The following LSM12 variants were observed in gnomAD, a reference collection of about 807,000 sequenced individuals.
LSM12 encodes protein LSM12.
For synonymous variants in LSM12, 74 were observed against 87.3 expected, an observed-to-expected ratio of 0.85 and a Z score of 0.85; for missense variants, 108 against 238.9, an observed-to-expected ratio of 0.45 and a Z score of 3.61.
intron 2 of LSM12, among the ~76,000 whole-genome samples, chr17:44,063,261 C>A (rs2049823923): frequency 6.6e-6 from 1 of 152,074 alleles, no homozygotes; most frequent in Non-Finnish European, 1.5e-5. Flanking sequence ...CTTGGGGGTT[C>A]CCAGAGATCA....
rs533034717 is a variant in LSM12, at chr17:44,066,256, AAGAG to A, written c.124+204_124+207del. 1.8e-4 allele frequency among the ~76,000 whole-genome samples: 27 copies of A among 151,984 alleles called. No individual in the cohort carries two copies. The East Asian group carries it at 3.5e-3, about 20-fold the overall frequency. ...CCTCGGTAAAGCCCCAGCTCCCGCA[AAGAG>A]AGAGAGACAGGATCCCCAAAGCTGA... is the stretch of plus-strand genomic sequence containing the variant. On this transcript the variant is annotated intron_variant, in intron 1 of 4. Transcript: ENST00000293406.
chr17:44,034,444 C>T lies in LSM12; in HGVS notation c.*1764G>A, dbSNP rs983795866. On this transcript the variant is annotated 3_prime_UTR_variant, in exon 5 of 5. Coordinates refer to ENST00000293406, the MANE Select transcript of LSM12 (RefSeq NM_001371445.1). ...GCCTTTTCCCCACACTCCACCTACA[C>T]ACCACTCCAAACCCTGGACCCCCAT... Among the ~76,000 whole-genome samples the T allele has an allele frequency of 6.6e-6, 1 of 152,166 alleles. No individual in the cohort carries two copies. The highest frequency in any genetic ancestry group is 1.5e-5 in the Non-Finnish European group (1 of 68,040).
At chr17:44,059,951 T>G (rs1597897037) in intron 2 of LSM12, among the ~76,000 whole-genome samples, 1 of 151,982 alleles carries the variant, frequency 6.6e-6, no homozygotes. Flanking sequence ...GATCACAAGG[T>G]CAGGAGATCG....
chr17:44,044,480 T>C (rs2049535771), intron 2 of LSM12, among the ~76,000 whole-genome samples: 1 of 152,190 alleles, frequency 6.6e-6, no homozygotes, highest in Admixed American at 6.5e-5. Flanking sequence ...AGGGAGCACT[T>C]AGAAAAGTCA....
chr17:44,038,702 T>G (rs2144066710), intron 3 of LSM12, among the ~76,000 whole-genome samples: 1 of 152,294 alleles, frequency 6.6e-6, no homozygotes, highest in African/African-American at 2.4e-5. Flanking sequence ...TGATCTGTAC[T>G]CTGACCCTTA....
intron 2 of LSM12, among the ~76,000 whole-genome samples, chr17:44,043,550 T>TC (rs954506949): frequency 2.1e-4 from 30 of 146,214 alleles, no homozygotes; most frequent in Non-Finnish European, 4.4e-4. Flanking sequence ...GGAGTTTCCT[T>TC]TTTTTTTTTT....
At chr17:44,066,081 C>A (rs2049870212) in intron 1 of LSM12, among the ~76,000 whole-genome samples, 1 of 152,036 alleles carries the variant, frequency 6.6e-6, no homozygotes, top group Non-Finnish European at 1.5e-5. Context: ...CACCCCTCCC[C>A]ATAATATTTC....
intron 2 of LSM12, among the ~76,000 whole-genome samples, chr17:44,054,837 CTTTT>C (rs971642524): frequency 7.0e-6 from 1 of 142,640 alleles, no homozygotes; most frequent in Non-Finnish European, 1.5e-5. Flanking sequence ...TTTTCTTTTT[CTTTT>C]TTTTTTTTTA....
At chr17:44,062,649 G>T (rs1431805076) in intron 2 of LSM12, among the ~76,000 whole-genome samples, 1 of 152,124 alleles carries the variant, frequency 6.6e-6, no homozygotes. Context: ...CACTTTGGGA[G>T]GCTGAGGCAG....
chr17:44,041,522 A>G (rs1330881226), intron 2 of LSM12, among the ~76,000 whole-genome samples: 1 of 152,178 alleles, frequency 6.6e-6, no homozygotes, highest in African/African-American at 2.4e-5. Flanking sequence ...AAATCTAACC[A>G]TAAACGCTGT....
chr17:44,063,728 T>G, intron 2 of LSM12, 73 bp downstream of exon 2: 3 of 1,427,410 alleles, frequency 2.1e-6, no homozygotes, highest in Non-Finnish European at 2.8e-6. Flanking sequence ...TAGACAACAA[T>G]GTATCACTAA....
chr17:44,064,033 A>T, intron 1 of LSM12, 99 bp from the exon 2 acceptor site: 1 of 1,389,476 alleles, frequency 7.2e-7, no homozygotes, highest in Non-Finnish European at 9.9e-7. Flanking sequence ...AAGGCTTGTA[A>T]AAGGCAGGCC....
intron 2 of LSM12, among the ~76,000 whole-genome samples, chr17:44,055,049 A>T (rs1315994727): frequency 1.3e-5 from 2 of 150,496 alleles, no homozygotes; most frequent in African/African-American, 2.4e-5. Context: ...TAGTATTTTC[A>T]CCATATTGGC....
chr17:44,040,424 A>G (rs2049472996), intron 2 of LSM12, 168 bp from the exon 3 acceptor site: 2 of 559,422 alleles, frequency 3.6e-6, no homozygotes, highest in African/African-American at 1.9e-5. Context: ...ACATACCTGA[A>G]CAGTTACTGG....
At chr17:44,062,555 T>C (rs1457674862) in intron 2 of LSM12, among the ~76,000 whole-genome samples, 2 of 152,168 alleles carry the variant, frequency 1.3e-5, no homozygotes, top group African/African-American at 2.4e-5. Context: ...ATTATTATGA[T>C]CAACTTCAAT....
At chr17:44,064,995 C>T (rs867668192) in intron 1 of LSM12, among the ~76,000 whole-genome samples, 2 of 150,376 alleles carry the variant, frequency 1.3e-5, no homozygotes, top group South Asian at 4.2e-4. Flanking sequence ...TAGCCGGGCA[C>T]GGTGGCGTAT....
intron 2 of LSM12, among the ~76,000 whole-genome samples, chr17:44,053,697 T>C (rs2049675138): frequency 6.6e-6 from 1 of 152,174 alleles, no homozygotes; most frequent in African/African-American, 2.4e-5. Flanking sequence ...ACTGCTGTTC[T>C]TCAAACTCCC....
At chr17:44,050,351 C>G (rs1211723754) in intron 2 of LSM12, among the ~76,000 whole-genome samples, 1 of 151,882 alleles carries the variant, frequency 6.6e-6, no homozygotes, top group Non-Finnish European at 1.5e-5. Context: ...CTCAGGTAAT[C>G]CACCTGCCTC....
At chr17:44,066,310 G>A (rs2049875793) in intron 1 of LSM12, among the ~76,000 whole-genome samples, 154 bp downstream of exon 1, 1 of 152,180 alleles carries the variant, frequency 6.6e-6, no homozygotes, top group Non-Finnish European at 1.5e-5. Flanking sequence ...GGAGGGGGAG[G>A]GGAGCTCAGG....
Sources: gnomAD v4.1 joint callset for allele counts (sites outside exome capture counted in the v4.1 genomes callset) on GRCh38, gnomAD v4.1.1 for gene constraint, MANE v1.5 for transcripts, NCBI Gene and HGNC (gene_info 2026-07-23, HGNC 2026-07-21) for gene names.